ANKRD46: variants seen among roughly 807,000 people sequenced by gnomAD.
The protein encoded by ANKRD46 is ankyrin repeat domain-containing protein 46.
ANKRD46 carries 13 observed loss-of-function variants against 19.8 expected under a neutral mutation model. That is an observed-to-expected ratio of 0.66 (90% CI 0.43 to 1.04). The LOEUF is 1.04. Ranked by LOEUF, ANKRD46 falls within the 50% of genes least tolerant of loss-of-function variation. ANKRD46 has a pLI of 0.00. For synonymous variants in ANKRD46, 91 were observed against 106.9 expected (o/e 0.85, Z 0.92); for missense variants, 185 against 274.8 (o/e 0.67, Z 2.31).
downstream of ANKRD46, among the ~76,000 whole-genome samples, chr8:100,520,333 T>C (rs1445158354): frequency 6.6e-6 from 1 of 152,188 alleles, no homozygotes; most frequent in Non-Finnish European, 1.5e-5. Flanking sequence ...TCCAGATTCA[T>C]GAAAGACAGC....
chr8:100,528,512 T>C (rs1344529150), intron 3 of ANKRD46, among the ~76,000 whole-genome samples: 1 of 149,738 alleles, frequency 6.7e-6, no homozygotes, highest in Non-Finnish European at 1.5e-5. Context: ...TTAACCCTTG[T>C]TTTTCTTTTT....
intron 1 of ANKRD46, among the ~76,000 whole-genome samples, chr8:100,554,367 G>T (rs978908711): frequency 3.3e-5 from 5 of 152,236 alleles, no homozygotes; most frequent in Middle Eastern, 3.4e-3. Flanking sequence ...AATTGATTTT[G>T]GTTTTAGATA....
At chr8:100,514,533 A>T (rs1200938523) in intron 5 of ANKRD46, among the ~76,000 whole-genome samples, 1 of 151,518 alleles carries the variant, frequency 6.6e-6, no homozygotes, top group Non-Finnish European at 1.5e-5. Context: ...AAAAGGGAGA[A>T]GACTCTATTG....
rs774400436 is a variant in ANKRD46 at position 100,527,803 on chromosome 8, A to G, written c.470+42T>C. The G allele has an allele frequency of 1.3e-4, 203 of 1,561,338 alleles. No individual in the cohort carries two copies. The highest frequency in any genetic ancestry group is 1.6e-4 in the Non-Finnish European group (188 of 1,152,714). The stretch of plus-strand genomic sequence containing the variant: ...ATGCTTGAGCCCAGGAGTTCAAGGA[A>G]TGAGTAATACAGTGAGAAAAAAAAA... On this transcript the variant is annotated intron_variant, in intron 4 of 4. Transcript: ENST00000335659. The surrounding 1 kb of genome is among the most constrained non-coding windows in gnomAD (Gnocchi z 4.0).
At chr8:100,540,076 T>C (rs561608696) in intron 1 of ANKRD46, among the ~76,000 whole-genome samples, 3 of 152,250 alleles carry the variant, frequency 2.0e-5, no homozygotes, top group Non-Finnish European at 4.4e-5. Context: ...CACAGTATTC[T>C]ACATTTATTA....
At position 100,510,594 on chromosome 8, in the gene ANKRD46, G is replaced by A. The variant is rs750961360; in HGVS notation, c.682C>T (p.Arg228Ter). ...CCTAGAGATTAGATGGCCTGGATTC[G>A]GCTTCTGTCTTGCCTTGCAAAGCTT... The change falls in exon 6 of 6, where the codon CGA (arginine) becomes TGA (stop). Residue 228 changes from arginine (R) to a stop codon, truncating the protein, a stop_gained. Transcript: ENST00000520552. LOFTEE classifies it high-confidence loss of function. The surrounding 1 kb of genome is among the most constrained non-coding windows in gnomAD (Gnocchi z 4.9). The A allele has an allele frequency of 2.8e-5, 43 of 1,535,522 alleles. No homozygotes were observed. The highest frequency in any genetic ancestry group is 8.3e-5 in the South Asian group (7 of 84,028).
chr8:100,516,115 A>G (rs1042053382), downstream of ANKRD46, among the ~76,000 whole-genome samples: 24 of 151,900 alleles, frequency 1.6e-4, no homozygotes, highest in African/African-American at 5.6e-4. Flanking sequence ...CAGGTGATCC[A>G]CCCGCCTCGG....
At chr8:100,553,672 C>A (rs1197225135) in intron 1 of ANKRD46, among the ~76,000 whole-genome samples, 8 of 152,088 alleles carry the variant, frequency 5.3e-5, no homozygotes, top group Non-Finnish European at 1.2e-4. Context: ...TCGCTTCAAC[C>A]CAGGAGGCGG....
In ANKRD46 at chr8:100,511,454, G is replaced by A. The variant is rs1452201041; in HGVS notation, c.637-815C>T. ...CACCAAGTTGTGTGTGTGTGTGTGTGTGTGTGTCCTGTGGTGTACTGAGGG... is the reference window on the plus strand; with the variant it reads ...CACCAAGTTGTGTGTGTGTGTGTGTATGTGTGTCCTGTGGTGTACTGAGGG... On this transcript the variant is annotated intron_variant, in intron 5 of 5. Transcript: ENST00000520552. The surrounding 1 kb of genome is among the most constrained non-coding windows in gnomAD (Gnocchi z 4.1). Among the ~76,000 whole-genome samples the A allele has an allele frequency of 7.9e-5, 12 of 152,102 alleles. No individual in the cohort carries two copies. Among genetic ancestry groups the A allele is most frequent in the Non-Finnish European group, 1.6e-4 (11 of 68,016 alleles).
intron 1 of ANKRD46, chr8:100,551,616 TG>T: frequency 1.4e-6 from 1 of 734,038 alleles, no homozygotes; most frequent in Non-Finnish European, 2.4e-6. Context: ...GGGTCATTGA[TG>T]GTGACAATAT....
chr8:100,523,306 C>T (rs1157355455), intron 4 of ANKRD46, among the ~76,000 whole-genome samples: 1 of 151,846 alleles, frequency 6.6e-6, no homozygotes, highest in Non-Finnish European at 1.5e-5. Flanking sequence ...TGTGTTAATA[C>T]GAATAAGCAG....
At chr8:100,516,559 G>C (rs932407530), downstream of ANKRD46, among the ~76,000 whole-genome samples, 2 of 152,088 alleles carry the variant, frequency 1.3e-5, no homozygotes, top group African/African-American at 4.8e-5. Context: ...TTTAGAACAA[G>C]AAAATAAAAC....
In ANKRD46 at chr8:100,527,947, T is replaced by A. The variant is rs1367040285; in HGVS notation, c.368A>T (p.Asp123Val). 1 of 1,611,822 alleles carries A rather than the reference T, an allele frequency of 6.2e-7. No homozygotes were observed. The highest frequency in any genetic ancestry group is 2.2e-5 in the East Asian group (1 of 44,826). The change falls in exon 4 of 5, where the codon GAT (aspartate) becomes GTT (valine). Residue 123 changes from aspartate to valine, a missense_variant. Transcript: ENST00000335659. This position sits in a 1 kb window ranked among gnomAD's most constrained non-coding sequence, Gnocchi z 4.0. ...CAAAGATTCCAGCAATCGGATGACATCTTTATTTACTCCTCTGCGCTTTGC... is the reference window on the plus strand; with the variant it reads ...CAAAGATTCCAGCAATCGGATGACAACTTTATTTACTCCTCTGCGCTTTGC... ...VLAKRRGVNK[D>V]VIRLLESLEE...
rs552154373 is a variant in ANKRD46 at position 100,534,626 on chromosome 8, T to C, written c.-130-1315A>G. On this transcript the variant is annotated intron_variant, in intron 1 of 4. Transcript: ENST00000335659. This position sits in a 1 kb window ranked among gnomAD's most constrained non-coding sequence, Gnocchi z 4.2. ...TAATTAAAATGGTGCAAGTGGGTTA[T>C]TCTGGATGTGGTAGAGCTCACATTA... Among the ~76,000 whole-genome samples, 1 of 152,350 alleles carries C rather than the reference T, an allele frequency of 6.6e-6. No homozygotes were observed. The highest frequency in any genetic ancestry group is 2.1e-4 in the South Asian group (1 of 4,824).
chr8:100,510,629 A>C lies in ANKRD46; in HGVS notation c.647T>G (p.Leu216Arg). 2 of 1,535,252 alleles carry C rather than the reference A, an allele frequency of 1.3e-6. No individual in the cohort carries two copies. Among genetic ancestry groups the C allele is most frequent in the Admixed American group, 3.9e-5 (2 of 50,968 alleles). The change falls in exon 6 of 6, where the codon CTG (leucine) becomes CGG (arginine). Residue 216 changes from leucine to arginine, a missense_variant. Transcript: ENST00000520552. The surrounding 1 kb of genome is among the most constrained non-coding windows in gnomAD (Gnocchi z 4.9). ...TTGCCTTGCAAAGCTTCCAAGCCTCAGTGTCCTTCTCTGTAAATGTGGGGA... is the reference window on the plus strand; with the variant it reads ...TTGCCTTGCAAAGCTTCCAAGCCTCCGTGTCCTTCTCTGTAAATGTGGGGA...
At position 100,522,297 on chromosome 8, in the gene ANKRD46, T is replaced by A; in HGVS notation, c.*258A>T. 1 of 1,271,954 alleles carries A rather than the reference T, an allele frequency of 7.9e-7. No homozygotes were observed. The highest frequency in any genetic ancestry group is 9.9e-7 in the Non-Finnish European group (1 of 1,005,182). The allele number at this position is 1,271,954 out of a possible 1,614,324, so 78.8% of individuals were successfully genotyped here. On this transcript the variant is annotated 3_prime_UTR_variant, in exon 5 of 5. Transcript: ENST00000335659. ...TTCTCTAGTCACTTCCGTGTTTTTA[T>A]CAAACAAGGCTACGTGTAGGCTTTC...
intron 1 of ANKRD46, among the ~76,000 whole-genome samples, chr8:100,552,942 CT>C (rs1256155001): frequency 6.6e-6 from 1 of 152,292 alleles, no homozygotes; most frequent in Admixed American, 6.5e-5. Context: ...CTCTTATATG[CT>C]TCTGTCATTG....
rs1353184104 is a variant in ANKRD46, at chr8:100,521,176, A to G, written c.*1379T>C. 1.0e-6 allele frequency: 1 copy of G among 985,106 alleles called. No individual in the cohort carries two copies. The highest frequency in any genetic ancestry group is 1.7e-5 in the African/African-American group (1 of 57,154). The allele number at this position is 985,106 out of a possible 1,614,324, so 61.0% of individuals were successfully genotyped here. A position where few individuals can be genotyped will look rare whatever the true frequency, so the allele number is the denominator to read the frequency against. On this transcript the variant is annotated 3_prime_UTR_variant, in exon 5 of 5. Transcript: ENST00000335659. ...AAGAGCAAGCCTCAATACTAGATACATAGATACAAGAGAAAATACCAAGAA... is the reference window on the plus strand; with the variant it reads ...AAGAGCAAGCCTCAATACTAGATACGTAGATACAAGAGAAAATACCAAGAA...
intron 5 of ANKRD46, among the ~76,000 whole-genome samples, chr8:100,512,387 G>A (rs1403786153): frequency 1.3e-5 from 2 of 152,212 alleles, no homozygotes; most frequent in African/African-American, 2.4e-5. Flanking sequence ...TTCCACTGGG[G>A]ACTGGGACTG....
Sources: allele counts gnomAD v4.1 joint callset (sites outside exome capture counted in the v4.1 genomes callset), GRCh38; gene constraint gnomAD v4.1.1; non-coding constraint Gnocchi (gnomAD v3.1); transcripts MANE v1.5; gene names NCBI Gene and HGNC (gene_info 2026-07-23, HGNC 2026-07-21).